The following LRRC49 variants were observed in gnomAD, a reference collection of about 807,000 sequenced individuals.
The protein encoded by LRRC49 is leucine rich repeat containing 49.
LRRC49 carries 50 observed loss-of-function variants against 83.3 expected under a neutral mutation model. The ratio of observed to expected loss-of-function variants is 0.60; its 90% CI spans 0.48 to 0.76. The LOEUF is 0.76. Ranked by LOEUF, LRRC49 falls within the 30% of genes least tolerant of loss-of-function variation. The pLI, the probability that LRRC49 is intolerant of heterozygous loss-of-function variation, is 0.00. For missense variants in LRRC49, 704 were observed against 809.1 expected (o/e 0.87, Z 1.58); for synonymous variants, 286 against 283.3 (o/e 1.01, Z -0.10).
At chr15:70,914,027 G>C (rs768839344) in intron 6 of LRRC49, among the ~76,000 whole-genome samples, 36 of 151,792 alleles carry the variant, frequency 2.4e-4, no homozygotes, top group African/African-American at 4.8e-4. Context: ...AACATTTGTA[G>C]TGCACAAATT....
chr15:70,859,360 G>T lies in LRRC49; in HGVS notation c.-299+5891G>T, dbSNP rs960518374. 16 of 771,774 alleles carry T rather than the reference G, an allele frequency of 2.1e-5. No individual in the cohort carries two copies. In the African/African-American group the frequency reaches 2.7e-4, roughly 13 times the overall value. 47.8% of individuals were successfully genotyped at this position (771,774 alleles called of 1,614,324 possible). ...TAGAGCTGGAGTCTTGCCTGGAAGG[G>T]CTGACTGACGAGATGGACTTCCTCA... On this transcript the variant is annotated intron_variant, in intron 1 of 16. Coordinates refer to the LRRC49 transcript ENST00000544974.
intron 11 of LRRC49, among the ~76,000 whole-genome samples, chr15:70,990,094 C>T (rs1271801706): frequency 1.3e-5 from 2 of 152,190 alleles, no homozygotes; most frequent in African/African-American, 2.4e-5. Context: ...CAGGGACCCA[C>T]TTGAGGAGGC....
chr15:70,901,087 C>T, intron 4 of LRRC49, 63 bp downstream of exon 4: 1 of 906,568 alleles, frequency 1.1e-6, no homozygotes, highest in East Asian at 2.5e-5. Flanking sequence ...TGGTACAAGA[C>T]TTGAAAGATG....
At chr15:70,945,787 C>T (rs1459162876) in intron 8 of LRRC49, among the ~76,000 whole-genome samples, 1 of 151,894 alleles carries the variant, frequency 6.6e-6, no homozygotes, top group Non-Finnish European at 1.5e-5. Context: ...TTGGGATTCT[C>T]CATAAGGAGG....
At chr15:70,971,834 G>T (rs1162465021) in intron 9 of LRRC49, among the ~76,000 whole-genome samples, 12 of 96,500 alleles carry the variant, frequency 1.2e-4, no homozygotes, top group South Asian at 6.9e-4. Flanking sequence ...CCATTTCCTT[G>T]GTAAATCTTC....
At chr15:71,035,678 A>C (rs907551908) in intron 14 of LRRC49, among the ~76,000 whole-genome samples, 7 of 152,264 alleles carry the variant, frequency 4.6e-5, no homozygotes, top group African/African-American at 1.7e-4. Context: ...ACATGAATTC[A>C]TCCTTTTTAT....
At chr15:71,027,015 C>G (rs1378109950) in intron 14 of LRRC49, among the ~76,000 whole-genome samples, 1 of 152,130 alleles carries the variant, frequency 6.6e-6, no homozygotes, top group Non-Finnish European at 1.5e-5. Context: ...GAAGTCTTTG[C>G]CCATGACTAT....
At chr15:70,887,354 A>C (rs1364655596) in intron 2 of LRRC49, among the ~76,000 whole-genome samples, 1 of 152,196 alleles carries the variant, frequency 6.6e-6, no homozygotes. Flanking sequence ...GCACACAGAT[A>C]CAAAAATCCT....
intron 6 of LRRC49, among the ~76,000 whole-genome samples, chr15:70,917,449 T>A (rs141736520): frequency 3.3e-5 from 5 of 152,170 alleles, no homozygotes; most frequent in African/African-American, 1.2e-4. Flanking sequence ...GATAACCAGC[T>A]GTAGAGAGGA....
intron 3 of LRRC49, among the ~76,000 whole-genome samples, chr15:70,898,820 A>C (rs1212144841): frequency 2.6e-5 from 4 of 152,054 alleles, no homozygotes; most frequent in Non-Finnish European, 2.9e-5. Context: ...AAACAGTAAC[A>C]AACTGTTATG....
intron 1 of LRRC49, among the ~76,000 whole-genome samples, chr15:70,869,466 T>G (rs1032965108): frequency 6.6e-6 from 1 of 152,202 alleles, no homozygotes; most frequent in African/African-American, 2.4e-5. Context: ...AGGGTGAACC[T>G]ACTAGTGAGT....
intron 7 of LRRC49, among the ~76,000 whole-genome samples, chr15:70,926,704 T>G (rs766434732): frequency 4.6e-5 from 7 of 151,850 alleles, no homozygotes; most frequent in Non-Finnish European, 1.0e-4. Context: ...GTGTGTGATG[T>G]TCCCCTTCCT....
At chr15:71,030,653 C>T (rs960743771) in intron 14 of LRRC49, among the ~76,000 whole-genome samples, 1 of 152,064 alleles carries the variant, frequency 6.6e-6, no homozygotes, top group Non-Finnish European at 1.5e-5. Flanking sequence ...TCAGGTACAC[C>T]AATCAATCGT....
intron 9 of LRRC49, among the ~76,000 whole-genome samples, chr15:70,971,797 C>CTTTTTTTTTTTT (rs56230666): frequency 1.2e-5 from 1 of 82,268 alleles, no homozygotes; most frequent in African/African-American, 4.9e-5. Context: ...GTAACCACTC[C>CTTTTTTTTTTTT]TTTTTTTTTT....
intron 4 of LRRC49, among the ~76,000 whole-genome samples, chr15:70,901,805 C>T (rs2141108823): frequency 6.6e-6 from 1 of 152,246 alleles, no homozygotes; most frequent in South Asian, 2.1e-4. Context: ...GTACAAAACA[C>T]ACTCTTGATA....
chr15:70,892,612 C>G, upstream of LRRC49: 1 of 1,454,828 alleles, frequency 6.9e-7, no homozygotes. Context: ...TGGCCAGCCT[C>G]TTCCCCAGCT....
At chr15:70,875,479 C>T (rs530335374) in intron 2 of LRRC49, among the ~76,000 whole-genome samples, 5 of 152,228 alleles carry the variant, frequency 3.3e-5, no homozygotes, top group Admixed American at 3.3e-4. Flanking sequence ...TAAAAACAGC[C>T]GTACTTTACA....
rs544750302 is a variant in LRRC49, at chr15:70,878,001, C to T, written c.18+4778C>T. ...AAACAAAATTAGCCGGGTGTGGTGG[C>T]GGGCGCCTGTAGTCCCAGCTACTCA... is the stretch of plus-strand genomic sequence containing the variant. On this transcript the variant is annotated intron_variant, in intron 2 of 16. Transcript: ENST00000544974. 9.1e-4 allele frequency among the ~76,000 whole-genome samples: 138 copies of T among 152,080 alleles called. 1 individual carries two copies. Among genetic ancestry groups the T allele is most frequent in the Non-Finnish European group, 1.4e-3 (93 of 67,974 alleles).
At chr15:71,003,941 C>T (rs1415891871) in intron 11 of LRRC49, among the ~76,000 whole-genome samples, 1 of 152,142 alleles carries the variant, frequency 6.6e-6, no homozygotes, top group Non-Finnish European at 1.5e-5. Context: ...CAGCCTCTCC[C>T]TACTATGTCC....
Sources: allele counts gnomAD v4.1 joint callset (sites outside exome capture counted in the v4.1 genomes callset), GRCh38; gene constraint gnomAD v4.1.1; transcripts MANE v1.5; gene names NCBI Gene and HGNC (gene_info 2026-07-23, HGNC 2026-07-21).